Variants in CIT observed in about 807,000 individuals in gnomAD.
CIT encodes citron rho-interacting serine/threonine kinase.
Under a neutral mutation model 272.7 loss-of-function variants are expected in CIT, and 79 were observed. The ratio of observed to expected loss-of-function variants is 0.29; its 90% CI spans 0.24 to 0.35. The LOEUF (loss-of-function observed/expected upper bound fraction) is 0.35, where lower values mean the gene tolerates loss of function less well. CIT is among the 10% of genes least tolerant of loss of function. The pLI, the probability that CIT is intolerant of heterozygous loss-of-function variation, is 1.00. For missense variants in CIT, 1,909 were observed against 2,618.3 expected (o/e 0.73, Z 5.91); for synonymous variants, 948 against 995.6 (o/e 0.95, Z 0.90).
chr12:119,861,429 T>C (rs1950333902), intron 3 of CIT, among the ~76,000 whole-genome samples: 1 of 151,614 alleles, frequency 6.6e-6, no homozygotes, highest in Non-Finnish European at 1.5e-5. Context: ...CTACTAAAAA[T>C]ACAAAAAATT....
intron 19 of CIT, among the ~76,000 whole-genome samples, chr12:119,761,549 G>A (rs1463455242): frequency 1.3e-5 from 2 of 152,188 alleles, no homozygotes; most frequent in African/African-American, 2.4e-5. Context: ...GAGAGAAGCC[G>A]AAGACAGGGG....
chr12:119,797,500 G>A (rs958160069), intron 10 of CIT, among the ~76,000 whole-genome samples: 4 of 152,196 alleles, frequency 2.6e-5, no homozygotes, highest in African/African-American at 9.6e-5. Flanking sequence ...ATAATGAGGG[G>A]ATGGGAACAA....
chr12:119,759,418 G>A (rs1224652041), intron 20 of CIT, among the ~76,000 whole-genome samples: 1 of 152,216 alleles, frequency 6.6e-6, no homozygotes, highest in African/African-American at 2.4e-5. Context: ...GGCCAAGGCA[G>A]GTGGGTCACC....
In CIT at chr12:119,687,794, TAA is replaced by T. The variant is rs10574499; in HGVS notation, c.*436_*437del. The T allele has an allele frequency of 0.36, 42,205 of 115,978 alleles. 7,071 individuals are homozygous for T. The highest frequency in any genetic ancestry group is 0.41 in the African/African-American group (12,517 of 30,316). 7.2% of individuals were successfully genotyped at this position (115,978 alleles called of 1,614,324 possible). A position where few individuals can be genotyped will look rare whatever the true frequency, so the allele number is the denominator to read the frequency against. On this transcript the variant is annotated 3_prime_UTR_variant, in exon 48 of 48. Coordinates refer to ENST00000392521, the MANE Select transcript of CIT (RefSeq NM_001206999.2). ...AAATCTATTAAGAATTCTGTTGTCT[TAA>T]AAAAAAAAAAAAAAAAAGGAAAGAA...
chr12:119,749,781 C>G (rs972514922), intron 23 of CIT, among the ~76,000 whole-genome samples: 2 of 151,974 alleles, frequency 1.3e-5, no homozygotes, highest in Non-Finnish European at 2.9e-5. Context: ...TAAATTAAGT[C>G]GTGACTTGCT....
intron 12 of CIT, chr12:119,783,550 G>A (rs1964497282): frequency 6.0e-6 from 1 of 167,758 alleles, no homozygotes; most frequent in Admixed American, 6.3e-5. Flanking sequence ...TACATAGTTG[G>A]GAGTCTGGTT....
At chr12:119,711,053 AC>A in intron 37 of CIT, 1 of 1,367,196 alleles carries the variant, frequency 7.3e-7, no homozygotes, top group African/African-American at 1.5e-5. Context: ...CTTTACCTGA[AC>A]CCAGGCAGGC....
intron 10 of CIT, among the ~76,000 whole-genome samples, chr12:119,787,707 G>A (rs1964922772): frequency 1.6e-5 from 2 of 125,316 alleles, no homozygotes; most frequent in Admixed American, 2.2e-4. Flanking sequence ...CTCCAGCCTG[G>A]GCAACAGAGT....
rs537355812 is a variant in CIT, at chr12:119,721,741, G to T, written c.3592-292C>A. ...CAGAGTTCCAATTGAGGATATTTTG[G>T]TACATTAAGGTGAGGATATTTTGGA... On this transcript the variant is annotated intron_variant, in intron 28 of 47. Coordinates refer to ENST00000392521, the MANE Select transcript of CIT (RefSeq NM_001206999.2). 9.8e-5 allele frequency among the ~76,000 whole-genome samples: 15 copies of T among 152,294 alleles called. No individual in the cohort carries two copies. In the South Asian group the frequency reaches 2.1e-3, roughly 21 times the overall value.
At position 119,770,648 on chromosome 12, in the gene CIT, T is replaced by C. The variant is rs1593673046; in HGVS notation, c.2208+137A>G. 3 of 944,650 alleles carry C rather than the reference T, an allele frequency of 3.2e-6. No homozygotes were observed. The highest frequency in any genetic ancestry group is 2.4e-5 in the East Asian group (1 of 41,056). 58.5% of individuals were successfully genotyped at this position (944,650 alleles called of 1,614,324 possible). On this transcript the variant is annotated intron_variant, in intron 18 of 47. Coordinates refer to ENST00000392521, the MANE Select transcript of CIT (RefSeq NM_001206999.2). This position sits in a 1 kb window ranked among gnomAD's most constrained non-coding sequence, Gnocchi z 4.4. ...TCATACTACTCTACGATGTGGCATA[T>C]GCTGAAACCACCTCACTCAATTCAT...
intron 3 of CIT, among the ~76,000 whole-genome samples, chr12:119,858,838 G>A (rs11064932): frequency 0.01 from 1,564 of 151,682 alleles, 9 homozygotes; most frequent in Non-Finnish European, 0.017. Context: ...AAAAAACAGC[G>A]TGGTGGGCAG....
rs1295852894 is a variant in CIT, at chr12:119,772,826, G to C, written c.2026C>G (p.Leu676Val). 1.2e-6 allele frequency: 2 copies of C among 1,614,060 alleles called. No homozygotes were observed. The highest frequency in any genetic ancestry group is 1.7e-6 in the Non-Finnish European group (2 of 1,180,002). ...KERAERELEK[L>V]QNREDSSEGI... is the part of the protein sequence containing the mutation. ...TCAGAAGAATCCTCTCGGTTCTGCA[G>C]CTTCTCCAGCTCCCTCTCGGCTCGC... The change falls in exon 17 of 48, where the codon CTG becomes GTG. Residue 676 changes from leucine to valine, a missense_variant. Transcript: ENST00000392521.
At position 119,697,769 on chromosome 12, in the gene CIT, C is replaced by A. The variant is rs764674171; in HGVS notation, c.5772G>T (p.Ala1924=). 1 of 1,614,142 alleles carries A rather than the reference C, an allele frequency of 6.2e-7. No individual in the cohort carries two copies. Among genetic ancestry groups the A allele is most frequent in the African/African-American group, 1.3e-5 (1 of 75,032 alleles). ...CCTGGTATGAGGACGCCAAGTAAAT[C>A]GCTCCTGAGGAAATGGCAGGGCCCA... ...RYLGPAISSG[A]IYLASSYQDK... is the part of the protein sequence containing the mutation. The change falls in exon 46 of 48, where the codon GCG becomes GCT. Residue 1924 remains alanine, a synonymous_variant. Coordinates refer to ENST00000392521, the MANE Select transcript of CIT (RefSeq NM_001206999.2). This position sits in a 1 kb window ranked among gnomAD's most constrained non-coding sequence, Gnocchi z 4.9.
Position 119,752,475 on chromosome 12 carries a change from C to A in CIT, c.2707-228G>T, listed in dbSNP as rs1226430121. Among the ~76,000 whole-genome samples, 3 of 152,128 alleles carry A rather than the reference C, an allele frequency of 2.0e-5. No individual in the cohort carries two copies. The South Asian group carries it at 6.2e-4, about 31-fold the overall frequency. The stretch of plus-strand genomic sequence containing the variant: ...GGTAAGGGCTATATCTCCTAACCAC[C>A]CCTTACTTACATATATTCAAATGCC... On this transcript the variant is annotated intron_variant, in intron 22 of 47. Coordinates refer to ENST00000392521, the MANE Select transcript of CIT (RefSeq NM_001206999.2).
chr12:119,799,839 G>A (rs965373026), intron 10 of CIT, among the ~76,000 whole-genome samples: 13 of 120,242 alleles, frequency 1.1e-4, no homozygotes, highest in Non-Finnish European at 2.4e-4. Context: ...AAAACTTTAT[G>A]AGTTTTTTTT....
chr12:119,767,156 G>C lies in CIT; in HGVS notation c.2235C>G (p.Ala745=), dbSNP rs1962543033. 1 of 1,609,676 alleles carries C rather than the reference G, an allele frequency of 6.2e-7. No individual in the cohort carries two copies. Among genetic ancestry groups the C allele is most frequent in the Non-Finnish European group, 8.5e-7 (1 of 1,177,860 alleles). The change falls in exon 19 of 48, where the codon GCC becomes GCG. Residue 745 remains alanine (A), a synonymous_variant. Coordinates refer to ENST00000392521, the MANE Select transcript of CIT (RefSeq NM_001206999.2). ...ILELEEKHRE[A]QVSAQHLEVH... is the part of the protein sequence containing the mutation. ...CTTCTAGGTGCTGGGCTGAGACTTG[G>C]GCCTCCCGATGTTTCTCTTCGAGCT...
intron 4 of CIT, among the ~76,000 whole-genome samples, chr12:119,854,070 C>T (rs1036826107): frequency 5.3e-5 from 8 of 151,762 alleles, no homozygotes; most frequent in Non-Finnish European, 1.2e-4. Context: ...TCTTGTTGCC[C>T]AGGCTGTAGT....
intron 5 of CIT, among the ~76,000 whole-genome samples, chr12:119,848,168 GGTCA>G (rs1969949752): frequency 1.3e-5 from 2 of 152,132 alleles, no homozygotes; most frequent in Admixed American, 1.3e-4. Flanking sequence ...AGGCACGTGT[GGTCA>G]GTCAAAGCCA....
In CIT at chr12:119,699,177, A is replaced by T. The variant is rs573691626; in HGVS notation, c.5624-1123T>A. On this transcript the variant is annotated intron_variant, in intron 44 of 47. Transcript: ENST00000392521. ...AGGCTGAGGCAGGAGAATCACTTGA[A>T]CCCGGGAGGTAGAGGTTGCAGTGAG... 3.8e-3 allele frequency among the ~76,000 whole-genome samples: 560 copies of T among 146,914 alleles called. 2 individuals are homozygous for T. The highest frequency in any genetic ancestry group is 0.014 in the African/African-American group (539 of 39,684).
Sources: allele counts gnomAD v4.1 joint callset (sites outside exome capture counted in the v4.1 genomes callset), GRCh38; gene constraint gnomAD v4.1.1; non-coding constraint Gnocchi (gnomAD v3.1); transcripts MANE v1.5; gene names NCBI Gene and HGNC (gene_info 2026-07-23, HGNC 2026-07-21).